The following MEG3 variants were observed in gnomAD, a reference collection of about 807,000 sequenced individuals.
MEG3 encodes the protein maternally expressed 3.
chr14:100,832,183 TC>T (rs1227137403), downstream of MEG3: 3 of 152,208 alleles, frequency 2.0e-5, no homozygotes, highest in East Asian at 5.8e-4. Flanking sequence ...AAAGACGGTT[TC>T]CCCTTACGTT....
chr14:100,834,960 C>T (rs2037518253), exon 1 of MEG3: 1 of 395,052 alleles, frequency 2.5e-6, no homozygotes, highest in South Asian at 1.9e-5. Flanking sequence ...TTGATCCTAA[C>T]TGAGCACGCC....
intron 2 of MEG3, chr14:100,828,899 C>T (rs2037323952): frequency 6.6e-6 from 1 of 152,116 alleles, no homozygotes; most frequent in African/African-American, 2.4e-5. Flanking sequence ...TGCACCACCC[C>T]CAGACCCACT....
At chr14:100,836,462 C>T (rs2037584216) in intron 2 of MEG3, among the ~76,000 whole-genome samples, 1 of 152,148 alleles carries the variant, frequency 6.6e-6, no homozygotes, top group Non-Finnish European at 1.5e-5. Context: ...CGGAGAGCTG[C>T]CTGGAGTGGA....
chr14:100,837,650 GGCCTCC>G lies in MEG3; in HGVS notation n.3045+1354_3045+1359del, dbSNP rs1437128116. Reference sequence around the variant, plus strand: ...ATGTGCACGCATCAGCCCTTGTGCAGGCCTCCGCCCTCCGCCACCCCCCACCCCCGG... The same window carrying G: ...ATGTGCACGCATCAGCCCTTGTGCAGGCCCTCCGCCACCCCCCACCCCCGG... On this transcript the variant is annotated intron_variant and non_coding_transcript_variant, in intron 2 of 3. Transcript: ENST00000398461. This position sits in a 1 kb window ranked among gnomAD's most constrained non-coding sequence, Gnocchi z 5.8. Among the ~76,000 whole-genome samples the G allele has an allele frequency of 6.6e-6, 1 of 152,106 alleles. No homozygotes were observed. Among genetic ancestry groups the G allele is most frequent in the Non-Finnish European group, 1.5e-5 (1 of 68,018 alleles).
intron 2 of MEG3, among the ~76,000 whole-genome samples, chr14:100,839,407 C>A (rs985159675): frequency 2.0e-5 from 3 of 152,216 alleles, no homozygotes; most frequent in Admixed American, 6.5e-5. Flanking sequence ...GCTTCGTCTC[C>A]CATCCCCGAT....
At position 100,835,136 on chromosome 14, in the gene MEG3, G is replaced by T. The variant is rs544084211; in HGVS notation, n.2168G>T. ...GAGGGCAGATTCAAGCTATCCCCAG[G>T]GCTCTGCTCTGGTCGGAGCCAGCCC... On this transcript the variant is annotated non_coding_transcript_exon_variant, in exon 1 of 4. Transcript: ENST00000398461. 107 of 305,028 alleles carry T rather than the reference G, an allele frequency of 3.5e-4. 1 individual carries two copies. Among genetic ancestry groups the T allele is most frequent in the South Asian group, 3.1e-3 (105 of 33,476 alleles). 18.9% of individuals were successfully genotyped at this position (305,028 alleles called of 1,614,324 possible). A position where few individuals can be genotyped will look rare whatever the true frequency, so the allele number is the denominator to read the frequency against.
intron 2 of MEG3, among the ~76,000 whole-genome samples, chr14:100,843,137 G>A (rs2037808544): frequency 1.3e-5 from 2 of 152,194 alleles, no homozygotes; most frequent in African/African-American, 4.8e-5. Context: ...ATTAAGGACG[G>A]TCAGGGACTC....
chr14:100,832,168 C>T (rs971611746), downstream of MEG3: 31 of 151,770 alleles, frequency 2.0e-4, no homozygotes, highest in African/African-American at 7.5e-4. Context: ...ACCAAAAACA[C>T]ATCCAAAGAC....
intron 2 of MEG3, among the ~76,000 whole-genome samples, chr14:100,841,365 C>T (rs1280193936): frequency 6.6e-6 from 1 of 152,230 alleles, no homozygotes; most frequent in Admixed American, 6.5e-5. Flanking sequence ...TCAGTTTTCC[C>T]GTCTACGAAA....
intron 2 of MEG3, among the ~76,000 whole-genome samples, chr14:100,843,803 G>A (rs528819603): frequency 6.6e-6 from 1 of 151,500 alleles, no homozygotes; most frequent in Admixed American, 6.6e-5. Context: ...AGTGGGGCAG[G>A]CAGCTGGAGT....
intron 2 of MEG3, among the ~76,000 whole-genome samples, chr14:100,839,741 C>T (rs1396304631): frequency 1.3e-5 from 2 of 152,164 alleles, no homozygotes; most frequent in African/African-American, 4.8e-5. Flanking sequence ...TCCCAGGAGC[C>T]CTGCAGACAC....
chr14:100,855,115 A>G (rs903847014), upstream of MEG3: 2 of 152,610 alleles, frequency 1.3e-5, no homozygotes, highest in Admixed American at 6.5e-5. Context: ...CCTCTACTAT[A>G]GCACTGAGCA....
Position 100,839,005 on chromosome 14 carries a change from A to C in MEG3, n.3045+2705A>C, listed in dbSNP as rs544928796. Reference sequence around the variant, plus strand: ...TCAAAACCTGGCAAGACTTAAGGGCAACAGGATGCATGTGTTTCTTATTCA... The same window carrying C: ...TCAAAACCTGGCAAGACTTAAGGGCCACAGGATGCATGTGTTTCTTATTCA... On this transcript the variant is annotated intron_variant and non_coding_transcript_variant, in intron 2 of 3. Coordinates refer to the MEG3 transcript ENST00000398461. Among the ~76,000 whole-genome samples, 3 of 152,334 alleles carry C rather than the reference A, an allele frequency of 2.0e-5. No individual in the cohort carries two copies. The East Asian group carries it at 5.8e-4, about 29-fold the overall frequency.
chr14:100,835,967 G>T, intron 1 of MEG3: 1 of 337,112 alleles, frequency 3.0e-6, no homozygotes, highest in Non-Finnish European at 5.7e-6. Context: ...TCCCCACTCA[G>T]TTCTGGATTT....
chr14:100,840,625 A>C (rs1215143832), intron 2 of MEG3, among the ~76,000 whole-genome samples: 3 of 152,234 alleles, frequency 2.0e-5, no homozygotes. Context: ...CCAAGGCTGC[A>C]CAATGACGCA....
At position 100,845,095 on chromosome 14, in the gene MEG3, T is replaced by A. The variant is rs1210688194; in HGVS notation, n.3046-363T>A. ...ATCCTGCTCGCCGACCTGGGCACCT[T>A]GCTTCTGCCAGAGCACAGGTTCATG... On this transcript the variant is annotated intron_variant and non_coding_transcript_variant, in intron 2 of 3. Coordinates refer to the MEG3 transcript ENST00000398461. The surrounding 1 kb of genome is among the most constrained non-coding windows in gnomAD (Gnocchi z 5.2). 6.6e-6 allele frequency among the ~76,000 whole-genome samples: 1 copy of A among 152,186 alleles called. No homozygotes were observed. The highest frequency in any genetic ancestry group is 1.5e-5 in the Non-Finnish European group (1 of 68,028).
intron 2 of MEG3, among the ~76,000 whole-genome samples, chr14:100,842,636 A>G (rs1171385765): frequency 2.0e-5 from 3 of 152,208 alleles, no homozygotes; most frequent in African/African-American, 7.2e-5. Flanking sequence ...CTATTTCTTG[A>G]GATCAACATT....
At chr14:100,852,310 G>A (rs1027205596), upstream of MEG3, 1 of 529,724 alleles carries the variant, frequency 1.9e-6, no homozygotes, top group Non-Finnish European at 3.8e-6. Context: ...AAGAAGAAGG[G>A]GGTGGTTCCC....
intron 2 of MEG3, among the ~76,000 whole-genome samples, chr14:100,838,462 G>T (rs926013870): frequency 6.6e-6 from 1 of 152,232 alleles, no homozygotes; most frequent in African/African-American, 2.4e-5. Context: ...CCTTGCTGGT[G>T]ATCTTCTCGG....
Sources: gnomAD v4.1 joint callset for allele counts (sites outside exome capture counted in the v4.1 genomes callset) on GRCh38, gnomAD v4.1.1 for gene constraint, Gnocchi (gnomAD v3.1) non-coding constraint, MANE v1.5 for transcripts, NCBI Gene and HGNC (gene_info 2026-07-23, HGNC 2026-07-21) for gene names.